SOX5: variants seen among roughly 807,000 people sequenced by gnomAD.
SOX5 encodes SRY-box transcription factor 5.
A neutral mutation model predicts 92.0 loss-of-function variants in SOX5; 9 were observed. That is an observed-to-expected ratio of 0.10 (90% CI 0.06 to 0.17). The LOEUF is 0.17. Among genes scored for constraint, SOX5 ranks in the 10% least tolerant of loss-of-function variants. The probability of loss-of-function intolerance (pLI) is 1.00; values close to 1 mark genes in which losing one functional copy is unlikely to be tolerated. For synonymous variants in SOX5, 344 were observed against 336.3 expected (o/e 1.02, Z -0.25); for missense variants, 642 against 944.5 (o/e 0.68, Z 4.20).
At chr12:23,716,731 G>A (rs1043989144) in intron 6 of SOX5, among the ~76,000 whole-genome samples, 3 of 152,136 alleles carry the variant, frequency 2.0e-5, no homozygotes, top group East Asian at 1.9e-4. Flanking sequence ...TAACAGCTAC[G>A]TGAGAGATAC....
chr12:23,919,259 C>T lies in SOX5; in HGVS notation c.39-23235G>A, dbSNP rs80180511. 9.1e-3 allele frequency among the ~76,000 whole-genome samples: 1,385 copies of T among 152,156 alleles called. 21 individuals are homozygous for T. Among genetic ancestry groups the T allele is most frequent in the African/African-American group, 0.031 (1,276 of 41,496 alleles). On this transcript the variant is annotated intron_variant, in intron 1 of 14. Transcript: ENST00000451604. ...GAAATTGGTAGTTTCATGTAGCTAA[C>T]TCATACAATCATGAAAAACCAAAAA...
chr12:24,277,147 C>A (rs1298305201), intron 3 of SOX5: 1 of 151,750 alleles, frequency 6.6e-6, no homozygotes, highest in African/African-American at 2.4e-5. Context: ...AGCATATAAA[C>A]TTCCATTTTT....
At chr12:24,451,681 A>C (rs1010650722) in intron 1 of SOX5, among the ~76,000 whole-genome samples, 1 of 152,196 alleles carries the variant, frequency 6.6e-6, no homozygotes, top group African/African-American at 2.4e-5. Context: ...GCAGGTCTGT[A>C]GACTTTCATT....
At chr12:23,721,902 A>C (rs2092838100) in intron 6 of SOX5, among the ~76,000 whole-genome samples, 1 of 152,256 alleles carries the variant, frequency 6.6e-6, no homozygotes, top group Non-Finnish European at 1.5e-5. Context: ...ACGAGGATAT[A>C]TGAATGGACA....
chr12:24,074,361 T>A (rs372750698), intron 4 of SOX5, among the ~76,000 whole-genome samples: 6 of 151,946 alleles, frequency 3.9e-5, no homozygotes, highest in South Asian at 2.1e-4. Flanking sequence ...AGTGAATGAT[T>A]TCATAATCTT....
intron 4 of SOX5, among the ~76,000 whole-genome samples, chr12:24,157,137 T>A (rs1486742350): frequency 6.6e-6 from 1 of 152,140 alleles, no homozygotes; most frequent in East Asian, 1.9e-4. Flanking sequence ...ATAATCTATT[T>A]GATCTCCATT....
intron 3 of SOX5, among the ~76,000 whole-genome samples, chr12:23,788,501 T>C (rs535895282): frequency 6.7e-6 from 1 of 150,314 alleles, no homozygotes; most frequent in South Asian, 2.1e-4. Flanking sequence ...AAAATTCTTC[T>C]GGGTGGACTT....
intron 1 of SOX5, among the ~76,000 whole-genome samples, chr12:23,899,420 A>G (rs2137879058): frequency 6.6e-6 from 1 of 152,168 alleles, no homozygotes; most frequent in South Asian, 2.1e-4. Context: ...AAAAAAAAAA[A>G]AAGGCACCAC....
chr12:24,335,654 C>A (rs1212901395), intron 2 of SOX5, among the ~76,000 whole-genome samples: 1 of 151,914 alleles, frequency 6.6e-6, no homozygotes, highest in Non-Finnish European at 1.5e-5. Context: ...AAATATTTAC[C>A]CAAATTTACA....
Position 23,833,160 on chromosome 12 carries a change from C to A in SOX5, c.481+12823G>T, listed in dbSNP as rs1405767158. ...AAAGCCTCTGAAGAAACTCATGAAT[C>A]CTGAGTCTGGAAACTCTGCTACCTC... On this transcript the variant is annotated intron_variant, in intron 3 of 14. Coordinates refer to ENST00000451604, the MANE Select transcript of SOX5 (RefSeq NM_006940.6). Among the ~76,000 whole-genome samples the A allele has an allele frequency of 2.0e-5, 3 of 152,048 alleles. No homozygotes were observed. The East Asian group carries it at 5.8e-4, about 29-fold the overall frequency.
intron 5 of SOX5, among the ~76,000 whole-genome samples, chr12:23,737,498 C>T (rs1356369076): frequency 6.6e-6 from 1 of 152,050 alleles, no homozygotes; most frequent in African/African-American, 2.4e-5. Flanking sequence ...CAAGATCACG[C>T]CATTGCACTC....
intron 4 of SOX5, among the ~76,000 whole-genome samples, chr12:24,162,970 G>A (rs192971229): frequency 1.1e-3 from 173 of 152,162 alleles, no homozygotes; most frequent in African/African-American, 4.1e-3. Flanking sequence ...TGTTTCCAAT[G>A]TAGGTAAATG....
intron 4 of SOX5, among the ~76,000 whole-genome samples, chr12:24,079,843 C>T (rs1014272799): frequency 2.6e-5 from 4 of 151,772 alleles, no homozygotes; most frequent in Admixed American, 6.6e-5. Context: ...TAGTTACAGT[C>T]GAGAGCCGAT....
At chr12:23,775,899 T>A (rs2095082850) in intron 3 of SOX5, among the ~76,000 whole-genome samples, 1 of 152,136 alleles carries the variant, frequency 6.6e-6, no homozygotes, top group Admixed American at 6.6e-5. Flanking sequence ...TCTCCAACCT[T>A]TTTGGCACGA....
At chr12:24,155,486 A>C (rs1952071541) in intron 4 of SOX5, among the ~76,000 whole-genome samples, 1 of 152,082 alleles carries the variant, frequency 6.6e-6, no homozygotes, top group African/African-American at 2.4e-5. Context: ...TCAACCCACA[A>C]TGTTGCTCCC....
intron 3 of SOX5, among the ~76,000 whole-genome samples, chr12:23,768,884 A>C (rs918884569): frequency 5.9e-5 from 9 of 152,208 alleles, no homozygotes; most frequent in African/African-American, 2.2e-4. Context: ...ATTTCTAAAG[A>C]AAGAAACAAA....
chr12:23,864,412 T>G (rs998952323), intron 2 of SOX5, among the ~76,000 whole-genome samples: 4 of 152,166 alleles, frequency 2.6e-5, no homozygotes, highest in African/African-American at 9.7e-5. Flanking sequence ...ATTATTATAC[T>G]TAGTGAGAAA....
chr12:23,954,945 A>G (rs1481106160), upstream of SOX5, among the ~76,000 whole-genome samples: 1 of 152,086 alleles, frequency 6.6e-6, no homozygotes, highest in Non-Finnish European at 1.5e-5. Context: ...TTTTAAATAA[A>G]AGCTTTTATT....
chr12:24,277,091 T>C (rs1266589209), intron 3 of SOX5: 1 of 152,090 alleles, frequency 6.6e-6, no homozygotes, highest in Non-Finnish European at 1.5e-5. Flanking sequence ...TACTTTTATA[T>C]GCATATGTTT....
Sources: allele counts gnomAD v4.1 joint callset (sites outside exome capture counted in the v4.1 genomes callset), GRCh38; gene constraint gnomAD v4.1.1; transcripts MANE v1.5; gene names NCBI Gene and HGNC (gene_info 2026-07-23, HGNC 2026-07-21).